The following FAM200B variants were observed in gnomAD, a reference collection of about 807,000 sequenced individuals.
FAM200B encodes the protein protein FAM200B.
Under a neutral mutation model 33.1 loss-of-function variants are expected in FAM200B, and 32 were observed. The observed-to-expected ratio is 0.97, with a 90% CI of 0.73 to 1.30. FAM200B has a LOEUF of 1.30. Ranked by LOEUF, FAM200B falls within the 50% of genes most tolerant of loss-of-function variation. The probability of loss-of-function intolerance (pLI) is 0.00; values close to 1 mark genes in which losing one functional copy is unlikely to be tolerated. For synonymous variants in FAM200B, 240 were observed against 264.8 expected, an observed-to-expected ratio of 0.91 and a Z score of 0.91; for missense variants, 741 against 754.0, an observed-to-expected ratio of 0.98 and a Z score of 0.20.
At chr4:15,642,243 CTTT>C in the FAM200B span, among the ~76,000 whole-genome samples, 3 of 141,754 alleles carry the variant, frequency 2.1e-5, no homozygotes, top group African/African-American at 5.2e-5. Flanking sequence ...ATAATGAAAA[CTTT>C]TTTTTTTTTT....
chr4:15,666,675 C>T, the FAM200B span, among the ~76,000 whole-genome samples: 6 of 150,970 alleles, frequency 4.0e-5, no homozygotes, highest in Non-Finnish European at 8.9e-5. Flanking sequence ...TACTAAACAT[C>T]AAAAAAATTA....
the FAM200B span, among the ~76,000 whole-genome samples, chr4:15,647,437 T>C: frequency 2.0e-5 from 3 of 152,060 alleles, no homozygotes; most frequent in African/African-American, 7.2e-5. Flanking sequence ...TCTATGGAGT[T>C]TGGTATTCAT....
At chr4:15,681,080 G>T (rs1251518867), upstream of FAM200B, among the ~76,000 whole-genome samples, 2 of 151,628 alleles carry the variant, frequency 1.3e-5, no homozygotes, top group Admixed American at 1.3e-4. Context: ...AATCATTAGA[G>T]GACAGAAATA....
chr4:15,677,194 A>T (rs181595209), upstream of FAM200B, among the ~76,000 whole-genome samples: 2 of 152,312 alleles, frequency 1.3e-5, no homozygotes, highest in Admixed American at 1.3e-4. Flanking sequence ...GGCTTAAAAG[A>T]TACCTTTATG....
At chr4:15,642,027 TA>T in the FAM200B span, among the ~76,000 whole-genome samples, 142 of 142,364 alleles carry the variant, frequency 1.0e-3, no homozygotes, top group Admixed American at 9.9e-4. Context: ...GACTCTGTCT[TA>T]AAAAAAAAAA....
the FAM200B span, chr4:15,640,865 T>G: frequency 2.0e-6 from 3 of 1,534,660 alleles, no homozygotes. Flanking sequence ...TTTGCATAAT[T>G]TAACTGTTCA....
the FAM200B span, chr4:15,656,359 A>C: frequency 1.3e-5 from 6 of 448,706 alleles, no homozygotes; most frequent in South Asian, 9.3e-5. Flanking sequence ...AGATAGAGAA[A>C]TAGGAGAAAA....
the FAM200B span, among the ~76,000 whole-genome samples, chr4:15,670,958 C>T: frequency 4.5e-5 from 5 of 111,802 alleles, no homozygotes; most frequent in Admixed American, 6.8e-4. Flanking sequence ...GAGTCTCACT[C>T]TGTTGCCCAG....
chr4:15,655,100 G>A, the FAM200B span: 17 of 917,256 alleles, frequency 1.9e-5, no homozygotes, highest in Non-Finnish European at 2.4e-5. Context: ...CGCGGCGACG[G>A]CACGGGGCTG....
At chr4:15,658,606 C>T in the FAM200B span, among the ~76,000 whole-genome samples, 1 of 152,184 alleles carries the variant, frequency 6.6e-6, no homozygotes, top group African/African-American at 2.4e-5. Context: ...CCTTGGGACT[C>T]TGCAGAGTCG....
At chr4:15,649,529 A>G in the FAM200B span, among the ~76,000 whole-genome samples, 1 of 150,326 alleles carries the variant, frequency 6.7e-6, no homozygotes, top group Admixed American at 6.7e-5. Context: ...GCAGTGAGCC[A>G]AGATCACACC....
upstream of FAM200B, chr4:15,681,202 T>C (rs1241177841): frequency 6.6e-6 from 1 of 152,166 alleles, no homozygotes; most frequent in Non-Finnish European, 1.5e-5. Flanking sequence ...ACAATGCGAT[T>C]CTCTAAATAA....
the FAM200B span, among the ~76,000 whole-genome samples, chr4:15,666,693 G>A: frequency 6.6e-6 from 1 of 152,040 alleles, no homozygotes; most frequent in African/African-American, 2.4e-5. Context: ...TTAGCCAGGT[G>A]TGGTGGTGTG....
the FAM200B span, among the ~76,000 whole-genome samples, chr4:15,663,884 A>C: frequency 6.6e-6 from 1 of 152,220 alleles, no homozygotes; most frequent in African/African-American, 2.4e-5. Context: ...TACCCTGGCT[A>C]ATATAATGAC....
chr4:15,657,485 A>C, the FAM200B span, among the ~76,000 whole-genome samples: 2 of 152,238 alleles, frequency 1.3e-5, no homozygotes, highest in Non-Finnish European at 2.9e-5. Context: ...AGACACATTA[A>C]AAAGGTATTT....
chr4:15,655,317 C>A, the FAM200B span: 1 of 1,361,246 alleles, frequency 7.3e-7, no homozygotes, highest in Non-Finnish European at 9.7e-7. Flanking sequence ...GCCTCAGCAG[C>A]CGCGGCCGCC....
chr4:15,665,231 G>A, the FAM200B span, among the ~76,000 whole-genome samples: 22 of 152,022 alleles, frequency 1.4e-4, no homozygotes, highest in African/African-American at 4.1e-4. Flanking sequence ...TTCCAGTGGC[G>A]GGTTGTTTCA....
At chr4:15,676,170 TCCATATATATTAGGA>T in the FAM200B span, among the ~76,000 whole-genome samples, 1 of 152,230 alleles carries the variant, frequency 6.6e-6, no homozygotes, top group Non-Finnish European at 1.5e-5. Context: ...TAATCCTTAA[TCCATATATATTAGGA>T]CACTGTTTCA....
intron 1 of FAM200B, 48 bp from the exon 2 acceptor site, chr4:15,686,188 A>C (rs1718830839): frequency 6.6e-6 from 1 of 152,160 alleles, no homozygotes; most frequent in Non-Finnish European, 1.5e-5. Flanking sequence ...CAGTAATACT[A>C]CTTTGTACTG....
Sources: allele counts gnomAD v4.1 joint callset (sites outside exome capture counted in the v4.1 genomes callset), GRCh38; gene constraint gnomAD v4.1.1; transcripts MANE v1.5; gene names NCBI Gene and HGNC (gene_info 2026-07-23, HGNC 2026-07-21).